AFP: variants seen among roughly 807,000 people sequenced by gnomAD.
AFP encodes alpha fetoprotein.
In AFP, 64 loss-of-function variants were observed where a neutral mutation model predicts 78.9. The observed-to-expected ratio is 0.81, with a 90% CI of 0.66 to 1.00. AFP has a LOEUF of 1.00. Ranked by LOEUF, AFP falls within the 50% of genes least tolerant of loss-of-function variation. AFP has a pLI of 0.00. For missense variants in AFP, 689 were observed against 703.8 expected, an observed-to-expected ratio of 0.98 and a Z score of 0.24; for synonymous variants, 254 against 243.8, an observed-to-expected ratio of 1.04 and a Z score of -0.39.
At chr4:73,444,860 C>T in intron 6 of AFP, 133 bp from the exon 7 acceptor site, 1 of 826,572 alleles carries the variant, frequency 1.2e-6, no homozygotes, top group Non-Finnish European at 1.8e-6. Context: ...AACATGTTTC[C>T]TTTTCTTTTT....
intron 13 of AFP, 124 bp from the exon 14 acceptor site, chr4:73,455,112 T>C: frequency 1.3e-6 from 1 of 778,604 alleles, no homozygotes. Flanking sequence ...AGAGATGTGT[T>C]TCTTCATTTT....
rs756705227 is a variant in AFP at position 73,445,099 on chromosome 4, G to A, written c.820G>A (p.Val274Met). ...ACATGAGCACTGTTGCAGAGGAGAT[G>A]TGCTGGATTGTCTGCAGGATGGGGT... ...HVHEHCCRGD[V>M]LDCLQDGEKI... is the part of the protein sequence containing the mutation. Residue 274 changes from valine (V) to methionine (M), a missense_variant, in exon 7 of 15, where the codon GTG becomes ATG. By Grantham distance (21) the Val-to-Met change is conservative. Transcript: ENST00000395792. The A allele has an allele frequency of 1.2e-5, 19 of 1,613,840 alleles. No homozygotes were observed. The highest frequency in any genetic ancestry group is 6.6e-5 in the South Asian group (6 of 91,080).
chr4:73,454,044 A>C, intron 13 of AFP, 147 bp downstream of exon 13: 1 of 886,790 alleles, frequency 1.1e-6, no homozygotes, highest in Non-Finnish European at 1.6e-6. Flanking sequence ...GGATTCTATA[A>C]GATTTAAAAA....
intron 2 of AFP, among the ~76,000 whole-genome samples, chr4:73,437,843 A>C (rs1398930195): frequency 6.6e-6 from 1 of 152,008 alleles, no homozygotes; most frequent in Non-Finnish European, 1.5e-5. Context: ...GCTTAAATTT[A>C]AAAGTAACCA....
At chr4:73,441,538 C>T (rs1040138212) in intron 4 of AFP, among the ~76,000 whole-genome samples, 1 of 142,072 alleles carries the variant, frequency 7.0e-6, no homozygotes, top group Non-Finnish European at 1.5e-5. Context: ...ACTGCACTCC[C>T]GCCGGGGCCA....
chr4:73,450,158 T>C lies in AFP; in HGVS notation c.1289+25T>C, dbSNP rs1577958231. On this transcript the variant is annotated intron_variant, in intron 10 of 14. Transcript: ENST00000395792. The stretch of plus-strand genomic sequence containing the variant: ...CGTATGTTTTTGTAAACAGTATTTT[T>C]AGTGAATTAAAATTATTAAAGAGAA... The C allele has an allele frequency of 2.6e-6, 4 of 1,533,436 alleles. No individual in the cohort carries two copies. The East Asian group carries it at 9.2e-5, about 35-fold the overall frequency. The allele number at this position is 1,533,436 out of a possible 1,614,324, so 95.0% of individuals were successfully genotyped here.
chr4:73,450,770 T>C lies in AFP; in HGVS notation c.1428+17T>C, dbSNP rs760402416. On this transcript the variant is annotated intron_variant, in intron 11 of 14. Transcript: ENST00000395792. ...GAGGGAGCGGTGAGTGTCTGCTTGGTTTGGTCCCATCTCATTTCTGCCCTG... is the reference window on the plus strand; with the variant it reads ...GAGGGAGCGGTGAGTGTCTGCTTGGCTTGGTCCCATCTCATTTCTGCCCTG... 2 of 1,613,674 alleles carry C rather than the reference T, an allele frequency of 1.2e-6. No individual in the cohort carries two copies. Among genetic ancestry groups the C allele is most frequent in the Admixed American group, 1.7e-5 (1 of 60,024 alleles).
At position 73,450,029 on chromosome 4, in the gene AFP, T is replaced by C; in HGVS notation, c.1192-7T>C. On this transcript the variant is annotated splice_region_variant and splice_polypyrimidine_tract_variant and intron_variant, in intron 9 of 14. Coordinates refer to ENST00000395792, the MANE Select transcript of AFP (RefSeq NM_001134.3). Reference sequence around the variant, plus strand: ...AAAATGTATATGTAATAATTCTTCATTTTCAGGAAGAAGAATTACAGAAAT... The same window carrying C: ...AAAATGTATATGTAATAATTCTTCACTTTCAGGAAGAAGAATTACAGAAAT... 1.2e-6 allele frequency: 2 copies of C among 1,607,298 alleles called. No individual in the cohort carries two copies. Among genetic ancestry groups the C allele is most frequent in the Non-Finnish European group, 1.7e-6 (2 of 1,174,592 alleles).
chr4:73,455,149 A>C, intron 13 of AFP, 87 bp from the exon 14 acceptor site: 1 of 1,069,370 alleles, frequency 9.4e-7, no homozygotes, highest in South Asian at 1.3e-5. Context: ...CAAACCTATG[A>C]ATTCACCCCG....
Position 73,439,808 on chromosome 4 carries a change from A to C in AFP, c.271-794A>C, listed in dbSNP as rs139560029. Reference sequence around the variant, plus strand: ...GCCAAGAAAAGTGTTTTTTTAAAAAATAATTATTTCATTTCAAAATCATTT... The same window carrying C: ...GCCAAGAAAAGTGTTTTTTTAAAAACTAATTATTTCATTTCAAAATCATTT... On this transcript the variant is annotated intron_variant, in intron 3 of 14. Transcript: ENST00000395792. Among the ~76,000 whole-genome samples the C allele has an allele frequency of 1.1e-4, 17 of 152,322 alleles. No homozygotes were observed. In the East Asian group the frequency reaches 2.9e-3, roughly 26 times the overall value.
chr4:73,455,322 A>G, intron 14 of AFP, 32 bp downstream of exon 14: 2 of 1,521,846 alleles, frequency 1.3e-6, no homozygotes, highest in Non-Finnish European at 1.8e-6. Flanking sequence ...CCTGAATACA[A>G]TGTTGTTTCT....
chr4:73,455,883 A>G lies in AFP; in HGVS notation c.*263A>G, dbSNP rs10020432. On this transcript the variant is annotated 3_prime_UTR_variant, in exon 15 of 15. Coordinates refer to ENST00000395792, the MANE Select transcript of AFP (RefSeq NM_001134.3). The stretch of plus-strand genomic sequence containing the variant: ...GTTAAAATAGCATTAAGTGTTGGTT[A>G]TTATAGGAGATTAAAGCTATCCAAG... The G allele has an allele frequency of 0.57, 298,837 of 522,616 alleles. 86,663 individuals carry two copies. Among genetic ancestry groups the G allele is most frequent in the East Asian group, 0.66 (20,277 of 30,660 alleles). 32.4% of individuals were successfully genotyped at this position (522,616 alleles called of 1,614,324 possible).
chr4:73,438,615 C>T (rs1322562558), intron 3 of AFP, among the ~76,000 whole-genome samples: 2 of 152,080 alleles, frequency 1.3e-5, no homozygotes, highest in African/African-American at 2.4e-5. Context: ...ATGATAATAG[C>T]TCCCATTTCA....
At position 73,449,460 on chromosome 4, in the gene AFP, A is replaced by G; in HGVS notation, c.1184A>G (p.Asp395Gly). The change falls in exon 9 of 15, where the codon GAT becomes GGT. Residue 395 changes from aspartate (D) to glycine (G), a missense_variant. Transcript: ENST00000395792. Reference sequence around the variant, plus strand: ...ACTGAAAACCCTCTTGAATGCCAAGATAAAGGAGTAAGTTGCTCTAGAATT... The same window carrying G: ...ACTGAAAACCCTCTTGAATGCCAAGGTAAAGGAGTAAGTTGCTCTAGAATT... ...FQTENPLECQ[D>G]KGEEELQKYI... 1 of 1,613,570 alleles carries G rather than the reference A, an allele frequency of 6.2e-7. No individual in the cohort carries two copies. Among genetic ancestry groups the G allele is most frequent in the East Asian group, 2.2e-5 (1 of 44,784 alleles).
At chr4:73,455,164 G>A (rs1369639957) in intron 13 of AFP, 72 bp from the exon 14 acceptor site, 4 of 1,188,636 alleles carry the variant, frequency 3.4e-6, no homozygotes, top group South Asian at 1.2e-5. Context: ...ACCCCGGATT[G>A]TAGAGTGTTA....
At chr4:73,455,057 A>G (rs1318574332) in intron 13 of AFP, among the ~76,000 whole-genome samples, 179 bp from the exon 14 acceptor site, 6 of 152,142 alleles carry the variant, frequency 3.9e-5, no homozygotes, top group African/African-American at 1.2e-4. Context: ...ATGTGAAAGA[A>G]TATTGTTTTC....
intron 14 of AFP, 142 bp from the exon 15 acceptor site, chr4:73,455,489 G>T (rs550140809): frequency 4.7e-6 from 3 of 640,198 alleles, no homozygotes; most frequent in South Asian, 1.8e-5. Context: ...AATCCTTTTT[G>T]GTTATTTAAA....
intron 11 of AFP, among the ~76,000 whole-genome samples, chr4:73,451,227 G>A (rs1376927080): frequency 6.6e-6 from 1 of 152,046 alleles, no homozygotes; most frequent in East Asian, 1.9e-4. Context: ...GGAATAATTG[G>A]TTCCCTTTCG....
rs1720145491 is a variant in AFP at position 73,455,885 on chromosome 4, T to C, written c.*265T>C. The stretch of plus-strand genomic sequence containing the variant: ...TAAAATAGCATTAAGTGTTGGTTAT[T>C]ATAGGAGATTAAAGCTATCCAAGGA... On this transcript the variant is annotated 3_prime_UTR_variant, in exon 15 of 15. Transcript: ENST00000395792. 2.0e-6 allele frequency: 1 copy of C among 508,824 alleles called. No homozygotes were observed. The highest frequency in any genetic ancestry group is 3.5e-6 in the Non-Finnish European group (1 of 289,016). The allele number at this position is 508,824 out of a possible 1,614,324, so 31.5% of individuals were successfully genotyped here. A position where few individuals can be genotyped will look rare whatever the true frequency, so the allele number is the denominator to read the frequency against.
Sources: gnomAD v4.1 joint callset for allele counts (sites outside exome capture counted in the v4.1 genomes callset) on GRCh38, gnomAD v4.1.1 for gene constraint, MANE v1.5 for transcripts, NCBI Gene and HGNC (gene_info 2026-07-23, HGNC 2026-07-21) for gene names.